GTF3C3: variants seen among roughly 807,000 people sequenced by gnomAD.
The protein encoded by GTF3C3 is general transcription factor 3C polypeptide 3.
A neutral mutation model predicts 105.2 loss-of-function variants in GTF3C3; 75 were observed. That is an observed-to-expected ratio of 0.71 (90% CI 0.59 to 0.86). The LOEUF (loss-of-function observed/expected upper bound fraction) is 0.86, where lower values mean the gene tolerates loss of function less well. Among genes scored for constraint, GTF3C3 ranks in the 40% least tolerant of loss-of-function variants. GTF3C3 has a pLI of 0.00. For synonymous variants in GTF3C3, 335 were observed against 370.4 expected (o/e 0.90, Z 1.10); for missense variants, 856 against 1,076.5 (o/e 0.80, Z 2.87).
chr2:196,791,816 A>G (rs920819241), intron 3 of GTF3C3: 2 of 173,822 alleles, frequency 1.2e-5, no homozygotes, highest in African/African-American at 4.8e-5. Context: ...GCACACCCAC[A>G]ATCTCAGCTA....
chr2:196,771,267 G>C (rs575176784), intron 15 of GTF3C3, among the ~76,000 whole-genome samples: 1 of 152,228 alleles, frequency 6.6e-6, no homozygotes, highest in African/African-American at 2.4e-5. Context: ...TATAGATTTA[G>C]CTCCTGAAGG....
At chr2:196,773,247 A>AATAACC in intron 13 of GTF3C3, 94 bp from the exon 14 acceptor site, 1 of 754,764 alleles carries the variant, frequency 1.3e-6, no homozygotes. Context: ...AGACAAGTTT[A>AATAACC]ATAACCATGA....
chr2:196,764,825 C>T, intron 17 of GTF3C3, 140 bp from the exon 18 acceptor site: 1 of 593,978 alleles, frequency 1.7e-6, no homozygotes, highest in Admixed American at 2.8e-5. Flanking sequence ...AATTATAAAA[C>T]TATGCATATA....
intron 15 of GTF3C3, among the ~76,000 whole-genome samples, chr2:196,770,278 G>A (rs951473160): frequency 1.3e-5 from 2 of 152,120 alleles, no homozygotes; most frequent in Non-Finnish European, 2.9e-5. Flanking sequence ...CTTTTTCTAG[G>A]CACAGCTAGA....
At chr2:196,785,618 T>G (rs371414161) in intron 6 of GTF3C3, 30 bp from the exon 7 acceptor site, 4 of 1,391,890 alleles carry the variant, frequency 2.9e-6, no homozygotes, top group Non-Finnish European at 4.1e-6. Flanking sequence ...TGGATGAATA[T>G]TTACTTAATT....
At chr2:196,778,414 T>C (rs1032444373) in intron 10 of GTF3C3, 1 of 152,762 alleles carries the variant, frequency 6.5e-6, no homozygotes, top group African/African-American at 2.4e-5. Flanking sequence ...TAAGCTATTT[T>C]TTCCAGTCTA....
chr2:196,789,385 T>A lies in GTF3C3; in HGVS notation c.728-16A>T, dbSNP rs775005540. 1 of 1,558,264 alleles carries A rather than the reference T, an allele frequency of 6.4e-7. No individual in the cohort carries two copies. Among genetic ancestry groups the A allele is most frequent in the South Asian group, 1.2e-5 (1 of 83,978 alleles). On this transcript the variant is annotated splice_polypyrimidine_tract_variant and intron_variant, in intron 5 of 17. Coordinates refer to ENST00000263956, the MANE Select transcript of GTF3C3 (RefSeq NM_012086.5). Reference sequence around the variant, plus strand: ...TATTTAAGAGCTAAAAAGAAAGAAATACAAATTATTTACCACAAAAAGGGG... The same window carrying A: ...TATTTAAGAGCTAAAAAGAAAGAAAAACAAATTATTTACCACAAAAAGGGG...
Position 196,776,029 on chromosome 2 carries a change from A to G in GTF3C3, c.1676T>C (p.Met559Thr). ...ACCCACCTTTAAAAGCATGGCTAAC[A>G]TAGTAAGTAAGGTATCCACATAACC... The part of the protein sequence containing the change: ...MYGYVDTLLT[M>T]LAMLLKVAMN... The change falls in exon 12 of 18, where the codon ATG becomes ACG. Residue 559 changes from methionine to threonine, a missense_variant. By Grantham distance (81) the Met-to-Thr change is moderately conservative. Coordinates refer to ENST00000263956, the MANE Select transcript of GTF3C3 (RefSeq NM_012086.5). The surrounding 1 kb of genome is among the most constrained non-coding windows in gnomAD (Gnocchi z 4.5). 1 of 1,565,096 alleles carries G rather than the reference A, an allele frequency of 6.4e-7. No individual in the cohort carries two copies. The highest frequency in any genetic ancestry group is 8.7e-7 in the Non-Finnish European group (1 of 1,148,236).
intron 17 of GTF3C3, among the ~76,000 whole-genome samples, chr2:196,765,945 G>GCT (rs1348288554): frequency 6.9e-6 from 1 of 145,080 alleles, no homozygotes; most frequent in African/African-American, 2.5e-5. Flanking sequence ...GGGAGGCGGA[G>GCT]CTTGCAGTGA....
At chr2:196,790,978 CA>C (rs1339105666) in intron 4 of GTF3C3, among the ~76,000 whole-genome samples, 1 of 150,078 alleles carries the variant, frequency 6.7e-6, no homozygotes, top group Non-Finnish European at 1.5e-5. Context: ...TGTCTTTTAC[CA>C]AAAAAATAGA....
In GTF3C3 at chr2:196,771,818, T is replaced by C. The variant is rs774493612; in HGVS notation, c.2190A>G (p.Pro730=). ...RFCLRLMLKN[P]ENHALCVLNG... is the part of the protein sequence containing the mutation. ...TTAAGACACATAGGGCATGATTTTC[T>C]GGGTTTTTCAGCATCAAACGGAGAC... The change falls in exon 15 of 18, where the codon CCA becomes CCG. Residue 730 remains proline (P), a synonymous_variant. Transcript: ENST00000263956. 1 of 1,613,460 alleles carries C rather than the reference T, an allele frequency of 6.2e-7. No individual in the cohort carries two copies. The highest frequency in any genetic ancestry group is 8.5e-7 in the Non-Finnish European group (1 of 1,179,336).
Position 196,764,618 on chromosome 2 carries a change from C to A in GTF3C3, c.2606G>T (p.Ser869Ile), listed in dbSNP as rs1376009504. 3 of 1,613,182 alleles carry A rather than the reference C, an allele frequency of 1.9e-6. No homozygotes were observed. In the South Asian group the frequency reaches 3.3e-5, roughly 18 times the overall value. Reference protein sequence around the residue: ...IAYNLSLIYQSSGNTGMAQTL... With the variant: ...IAYNLSLIYQISGNTGMAQTL... ...TTGAGCCATTCCGGTATTCCCACTG[C>A]TCTGATAGATGAGAGACAAGTTGTA... Residue 869 changes from serine (S) to isoleucine (I), a missense_variant, in exon 18 of 18, where the codon AGC (serine) becomes ATC (isoleucine). Coordinates refer to ENST00000263956, the MANE Select transcript of GTF3C3 (RefSeq NM_012086.5).
At chr2:196,787,102 C>T (rs896372870) in intron 6 of GTF3C3, among the ~76,000 whole-genome samples, 5 of 152,012 alleles carry the variant, frequency 3.3e-5, no homozygotes, top group East Asian at 1.9e-4. Flanking sequence ...CCTCCCCAAC[C>T]CACCCCTCAT....
intron 8 of GTF3C3, chr2:196,780,928 A>T: frequency 3.7e-6 from 1 of 270,202 alleles, no homozygotes; most frequent in Non-Finnish European, 6.9e-6. Flanking sequence ...AAAAGACAAA[A>T]ATAATGAGGA....
intron 4 of GTF3C3, 39 bp downstream of exon 4, chr2:196,791,298 T>C (rs1699544293): frequency 6.2e-7 from 1 of 1,608,668 alleles, no homozygotes; most frequent in African/African-American, 1.3e-5. Context: ...AGTCAGACTA[T>C]TAAACTGCTA....
intron 2 of GTF3C3, among the ~76,000 whole-genome samples, chr2:196,795,908 A>C (rs971044819): frequency 6.6e-6 from 1 of 152,242 alleles, no homozygotes; most frequent in Non-Finnish European, 1.5e-5. Context: ...CATACAAACT[A>C]TAAGAATAAT....
intron 9 of GTF3C3, among the ~76,000 whole-genome samples, chr2:196,779,329 T>C (rs1007934282): frequency 1.3e-5 from 2 of 152,098 alleles, no homozygotes; most frequent in Admixed American, 6.6e-5. Context: ...GGTTTCACCA[T>C]GTTGGCCAGG....
chr2:196,779,129 G>A, intron 9 of GTF3C3, 62 bp from the exon 10 acceptor site: 1 of 1,187,070 alleles, frequency 8.4e-7, no homozygotes. Context: ...TCTATCTATA[G>A]CTTTTTTTTT....
chr2:196,778,538 C>A, intron 10 of GTF3C3: 1 of 217,614 alleles, frequency 4.6e-6, no homozygotes, highest in Non-Finnish European at 9.2e-6. Context: ...TAATTTTTCC[C>A]AATATAACAT....
Sources: gnomAD v4.1 joint callset for allele counts (sites outside exome capture counted in the v4.1 genomes callset) on GRCh38, gnomAD v4.1.1 for gene constraint, Gnocchi (gnomAD v3.1) non-coding constraint, MANE v1.5 for transcripts, NCBI Gene and HGNC (gene_info 2026-07-23, HGNC 2026-07-21) for gene names.